FRMD6: variants seen among roughly 807,000 people sequenced by gnomAD.
FRMD6 encodes the protein FERM domain-containing protein 6.
In FRMD6, 37 loss-of-function variants were observed where a neutral mutation model predicts 73.2. The observed-to-expected ratio is 0.51, with a 90% CI of 0.39 to 0.66. The LOEUF (loss-of-function observed/expected upper bound fraction) is 0.66, where lower values mean the gene tolerates loss of function less well. Among genes scored for constraint, FRMD6 ranks in the 30% least tolerant of loss-of-function variants. The pLI, the probability that FRMD6 is intolerant of heterozygous loss-of-function variation, is 0.00. For synonymous variants in FRMD6, 273 were observed against 282.2 expected (o/e 0.97, Z 0.33); for missense variants, 714 against 780.5 (o/e 0.91, Z 1.02).
rs1013348935 is a variant in FRMD6 at position 51,540,681 on chromosome 14, C to T, written c.-209-29667C>T. ...GGCTCATCCTTTTTATCTTCTGTGC[C>T]ACAAGATACAAATATTTATAGTACT... On this transcript the variant is annotated intron_variant, in intron 1 of 14. Transcript: ENST00000356218. Among the ~76,000 whole-genome samples the T allele has an allele frequency of 2.7e-5, 4 of 150,412 alleles. No individual in the cohort carries two copies. In the Admixed American group the frequency reaches 2.7e-4, roughly 10 times the overall value.
chr14:51,526,127 T>C (rs1421903263), intron 1 of FRMD6, among the ~76,000 whole-genome samples: 1 of 152,158 alleles, frequency 6.6e-6, no homozygotes, highest in Non-Finnish European at 1.5e-5. Flanking sequence ...GCTGCCCTGC[T>C]CTTGATAGGG....
At chr14:51,425,268 G>A in the FRMD6 span, among the ~76,000 whole-genome samples, 573 of 152,224 alleles carry the variant, frequency 3.8e-3, 4 homozygotes, top group African/African-American at 0.013. Flanking sequence ...AGCCCCTGAA[G>A]GGCTCTTTAT....
intron 1 of FRMD6, among the ~76,000 whole-genome samples, chr14:51,667,645 C>G (rs1040471573): frequency 6.6e-6 from 1 of 152,046 alleles, no homozygotes; most frequent in Non-Finnish European, 1.5e-5. Context: ...ACGTTACTTA[C>G]AATTATAGAA....
chr14:51,550,438 T>C (rs1362183906), intron 1 of FRMD6, among the ~76,000 whole-genome samples: 1 of 152,196 alleles, frequency 6.6e-6, no homozygotes, highest in Admixed American at 6.5e-5. Context: ...CCAAAAATTG[T>C]ATAAATATTG....
At chr14:51,695,668 A>G (rs537641790) in intron 2 of FRMD6, among the ~76,000 whole-genome samples, 15 of 152,294 alleles carry the variant, frequency 9.8e-5, no homozygotes, top group Admixed American at 2.6e-4. Context: ...TCGAACATTT[A>G]CTGAGTGCCT....
At chr14:51,470,697 T>G in the FRMD6 span, among the ~76,000 whole-genome samples, 1 of 152,240 alleles carries the variant, frequency 6.6e-6, no homozygotes, top group African/African-American at 2.4e-5. Flanking sequence ...CAAATTTTGG[T>G]ACATTGTATC....
intron 1 of FRMD6, among the ~76,000 whole-genome samples, chr14:51,686,722 GTCC>G (rs1895179625): frequency 6.6e-6 from 1 of 152,110 alleles, no homozygotes; most frequent in African/African-American, 2.4e-5. Flanking sequence ...TAAGAAATGT[GTCC>G]TCCTGGGACT....
At chr14:51,555,216 C>T (rs17586022) in intron 1 of FRMD6, among the ~76,000 whole-genome samples, 18,856 of 152,062 alleles carry the variant, frequency 0.12, 1,412 homozygotes, top group Non-Finnish European at 0.16. Flanking sequence ...TGACTATCAC[C>T]GGGAGCATTC....
At chr14:51,414,268 G>C in the FRMD6 span, among the ~76,000 whole-genome samples, 50 of 152,202 alleles carry the variant, frequency 3.3e-4, no homozygotes, top group Admixed American at 1.6e-3. Context: ...GTTTTCTTCT[G>C]GGATTTTTAT....
the FRMD6 span, among the ~76,000 whole-genome samples, chr14:51,478,257 C>T: frequency 9.2e-5 from 14 of 152,178 alleles, no homozygotes; most frequent in African/African-American, 3.4e-4. Context: ...TCCTAATAAG[C>T]TGAGGCTTTA....
At chr14:51,464,790 C>G in the FRMD6 span, among the ~76,000 whole-genome samples, 1 of 152,156 alleles carries the variant, frequency 6.6e-6, no homozygotes, top group Non-Finnish European at 1.5e-5. Context: ...GGTGAGGTCT[C>G]TTACCCATCT....
intron 1 of FRMD6, among the ~76,000 whole-genome samples, chr14:51,565,610 C>T (rs1158737019): frequency 2.0e-5 from 3 of 152,042 alleles, no homozygotes; most frequent in South Asian, 2.1e-4. Flanking sequence ...AGTTGTGGGT[C>T]GTCCTTGTTT....
At chr14:51,470,742 G>T in the FRMD6 span, among the ~76,000 whole-genome samples, 1 of 151,940 alleles carries the variant, frequency 6.6e-6, no homozygotes, top group Non-Finnish European at 1.5e-5. Context: ...AGTTTCCCTT[G>T]TGATTTTTGT....
At chr14:51,532,708 T>G (rs1016719379) in intron 1 of FRMD6, among the ~76,000 whole-genome samples, 16 of 152,218 alleles carry the variant, frequency 1.1e-4, no homozygotes, top group African/African-American at 3.9e-4. Context: ...CCACCTACAT[T>G]GACTGAAACT....
At chr14:51,671,289 C>G (rs764257548) in intron 1 of FRMD6, among the ~76,000 whole-genome samples, 1 of 151,874 alleles carries the variant, frequency 6.6e-6, no homozygotes, top group Non-Finnish European at 1.5e-5. Flanking sequence ...TTTTGGTTTT[C>G]TGGAAAAGCT....
intron 2 of FRMD6, among the ~76,000 whole-genome samples, chr14:51,693,924 C>T (rs889247658): frequency 3.9e-5 from 6 of 152,160 alleles, no homozygotes; most frequent in African/African-American, 1.4e-4. Flanking sequence ...GAGGCCCTCC[C>T]TTTTTACAAA....
intron 10 of FRMD6, among the ~76,000 whole-genome samples, chr14:51,717,102 A>G (rs1897280366): frequency 6.6e-6 from 1 of 152,218 alleles, no homozygotes; most frequent in Non-Finnish European, 1.5e-5. Context: ...TTGAGTTTTC[A>G]GAGAGACAGG....
chr14:51,431,372 A>T, the FRMD6 span, among the ~76,000 whole-genome samples: 1 of 149,436 alleles, frequency 6.7e-6, no homozygotes, highest in East Asian at 1.9e-4. Context: ...ATGCAAATTG[A>T]TATGTTTTCA....
At chr14:51,502,067 G>A (rs1883654778) in intron 1 of FRMD6, among the ~76,000 whole-genome samples, 2 of 152,042 alleles carry the variant, frequency 1.3e-5, no homozygotes, top group Non-Finnish European at 2.9e-5. Flanking sequence ...CTCTTTAATA[G>A]GGTTGTTTTT....
Sources: gnomAD v4.1 joint callset for allele counts (sites outside exome capture counted in the v4.1 genomes callset) on GRCh38, gnomAD v4.1.1 for gene constraint, MANE v1.5 for transcripts, NCBI Gene and HGNC (gene_info 2026-07-23, HGNC 2026-07-21) for gene names.